Variants in CLCA2 observed in about 807,000 individuals in gnomAD.
CLCA2 encodes the protein calcium-activated chloride channel regulator 2.
Under a neutral mutation model 82.9 loss-of-function variants are expected in CLCA2, and 85 were observed. The observed-to-expected ratio is 1.03, with a 90% CI of 0.86 to 1.23. The LOEUF is 1.23. Among genes scored for constraint, CLCA2 ranks in the 50% most tolerant of loss-of-function variants. The pLI, the probability that CLCA2 is intolerant of heterozygous loss-of-function variation, is 0.00. For missense variants in CLCA2, 1,089 were observed against 1,124.8 expected (o/e 0.97, Z 0.45); for synonymous variants, 421 against 391.7 (o/e 1.07, Z -0.88).
chr1:86,448,021 G>C, intron 11 of CLCA2: 1 of 511,752 alleles, frequency 2.0e-6, no homozygotes, highest in Non-Finnish European at 3.5e-6. Context: ...GGAGGCAGCC[G>C]CTGGACACCT....
intron 11 of CLCA2, among the ~76,000 whole-genome samples, chr1:86,449,668 T>C (rs1363995872): frequency 6.6e-6 from 1 of 152,224 alleles, no homozygotes; most frequent in Non-Finnish European, 1.5e-5. Flanking sequence ...GGGGACACTT[T>C]AGCAATGATA....
rs181022316 is a variant in CLCA2 at position 86,450,926 on chromosome 1, C to A, written c.2155+193C>A. Among the ~76,000 whole-genome samples the A allele has an allele frequency of 7.9e-5, 12 of 152,258 alleles. No homozygotes were observed. In the East Asian group the frequency reaches 1.9e-3, roughly 24 times the overall value. On this transcript the variant is annotated intron_variant, in intron 12 of 13. Coordinates refer to ENST00000370565, the MANE Select transcript of CLCA2 (RefSeq NM_006536.7). ...TCATGGTAGGGGGGTAACAGGAAGG[C>A]GATAGGTAATGCCCACAGATTATAC...
chr1:86,450,301 T>C (rs1294311230), intron 11 of CLCA2, among the ~76,000 whole-genome samples: 1 of 152,204 alleles, frequency 6.6e-6, no homozygotes, highest in African/African-American at 2.4e-5. Context: ...TACAAGAATG[T>C]TAAAGGTGAT....
chr1:86,428,393 T>C (rs1662429456), intron 2 of CLCA2, 25 bp from the exon 3 acceptor site: 1 of 1,572,726 alleles, frequency 6.4e-7, no homozygotes, highest in African/African-American at 1.4e-5. Flanking sequence ...TGAGAAAGTA[T>C]TACAAGGCAT....
chr1:86,454,689 G>A (rs1663036618), intron 13 of CLCA2, among the ~76,000 whole-genome samples: 1 of 152,290 alleles, frequency 6.6e-6, no homozygotes, highest in African/African-American at 2.4e-5. Context: ...CTACTTGGGA[G>A]GCTGAGGTAG....
chr1:86,451,026 G>A (rs1051867725), intron 12 of CLCA2, among the ~76,000 whole-genome samples: 10 of 152,220 alleles, frequency 6.6e-5, no homozygotes, highest in African/African-American at 2.4e-4. Context: ...GAGATTTACT[G>A]GGTTTTCTCA....
rs748655156 is a variant in CLCA2 at position 86,438,873 on chromosome 1, TAGGCTGAC to T, written c.973_980del (p.Ala325ThrfsTer17). ...ATTTTCTTTTTTCCTTTTTGGGACA[TAGGCTGAC>T]AGACTCCTTCAACTACAACAAGCCG... is the stretch of plus-strand genomic sequence containing the variant. On this transcript the variant is annotated splice_acceptor_variant and coding_sequence_variant, in exon 7 of 14. Coordinates refer to ENST00000370565, the MANE Select transcript of CLCA2 (RefSeq NM_006536.7). LOFTEE classifies it high-confidence loss of function. The T allele has an allele frequency of 3.1e-6, 5 of 1,613,530 alleles. No individual in the cohort carries two copies. The highest frequency in any genetic ancestry group is 4.2e-6 in the Non-Finnish European group (5 of 1,179,524).
intron 8 of CLCA2, 151 bp from the exon 9 acceptor site, chr1:86,441,286 T>C: frequency 1.9e-6 from 1 of 533,566 alleles, no homozygotes; most frequent in Non-Finnish European, 3.4e-6. Flanking sequence ...TGTGGTTGTA[T>C]AGGATGTCAG....
intron 5 of CLCA2, 116 bp from the exon 6 acceptor site, chr1:86,434,394 GTACCACTT>G: frequency 1.4e-6 from 1 of 728,284 alleles, no homozygotes; most frequent in South Asian, 1.9e-5. Context: ...GTATATCACT[GTACCACTT>G]TTGATTTCTT....
intron 9 of CLCA2, among the ~76,000 whole-genome samples, chr1:86,442,180 G>C (rs1446735249): frequency 6.6e-6 from 1 of 152,154 alleles, no homozygotes; most frequent in Non-Finnish European, 1.5e-5. Context: ...TTAATGGCTT[G>C]ATGTGACCAA....
chr1:86,440,887 C>T (rs1044878267), intron 8 of CLCA2, among the ~76,000 whole-genome samples: 10 of 152,004 alleles, frequency 6.6e-5, no homozygotes, highest in Admixed American at 1.3e-4. Flanking sequence ...GGTGACAGAA[C>T]GAGACCCCAT....
At chr1:86,452,176 C>CTT (rs753484167) in intron 12 of CLCA2, among the ~76,000 whole-genome samples, 7,295 of 43,884 alleles carry the variant, frequency 0.17, 881 homozygotes, top group East Asian at 0.26. Context: ...AACCTGGAAG[C>CTT]TTTTTTTTTT....
At chr1:86,440,452 A>T in intron 8 of CLCA2, 127 bp downstream of exon 8, 2 of 873,084 alleles carry the variant, frequency 2.3e-6, no homozygotes, top group Non-Finnish European at 3.4e-6. Flanking sequence ...AAACGCACAC[A>T]CATATTGCTA....
chr1:86,426,215 G>C (rs1220151127), intron 2 of CLCA2, among the ~76,000 whole-genome samples: 3 of 152,132 alleles, frequency 2.0e-5, no homozygotes, highest in African/African-American at 4.8e-5. Flanking sequence ...GTCCATTGCA[G>C]CTACCAGAAG....
chr1:86,431,105 T>A (rs1662490461), intron 4 of CLCA2, 135 bp downstream of exon 4: 1 of 615,824 alleles, frequency 1.6e-6, no homozygotes, highest in African/African-American at 1.9e-5. Context: ...AAGAAAGAGA[T>A]CCTTTCACTT....
At chr1:86,428,304 C>T in intron 2 of CLCA2, 114 bp from the exon 3 acceptor site, 2 of 962,192 alleles carry the variant, frequency 2.1e-6, no homozygotes, top group Non-Finnish European at 1.4e-6. Flanking sequence ...TAATTACATA[C>T]AATAAAATGC....
Position 86,441,690 on chromosome 1 carries a change from G to C in CLCA2, c.1488+147G>C, listed in dbSNP as rs149530117. 2.7e-3 allele frequency: 1,493 copies of C among 544,776 alleles called. 14 individuals are homozygous for C. Among genetic ancestry groups the C allele is most frequent in the African/African-American group, 0.025 (1,299 of 52,890 alleles). 33.7% of individuals were successfully genotyped at this position (544,776 alleles called of 1,614,324 possible). A position where few individuals can be genotyped will look rare whatever the true frequency, so the allele number is the denominator to read the frequency against. On this transcript the variant is annotated intron_variant, in intron 9 of 13. Coordinates refer to ENST00000370565, the MANE Select transcript of CLCA2 (RefSeq NM_006536.7). ...ATGGAAGGCTTTTAAAAGGCTGCTTGGCATCACCAGAGCCAGGCTTTCAGC... is the reference window on the plus strand; with the variant it reads ...ATGGAAGGCTTTTAAAAGGCTGCTTCGCATCACCAGAGCCAGGCTTTCAGC...
At chr1:86,447,478 C>T (rs1558117031) in intron 10 of CLCA2, 30 bp from the exon 11 acceptor site, 1 of 1,573,910 alleles carries the variant, frequency 6.4e-7, no homozygotes, top group Admixed American at 1.9e-5. Context: ...TTTTTTCACA[C>T]TTTCCAAAAC....
Position 86,434,594 on chromosome 1 carries a change from G to T in CLCA2, c.821G>T (p.Ser274Ile). The change falls in exon 6 of 14, where the codon AGT (serine) becomes ATT (isoleucine). Residue 274 changes from serine (S) to isoleucine (I), a missense_variant. Transcript: ENST00000370565. Reference protein sequence around the residue: ...NLQNQMCSLRSAWDVITDSAD... With the variant: ...NLQNQMCSLRIAWDVITDSAD... ...CAGAACCAGATGTGCAGCCTCAGAA[G>T]TGCATGGGATGTAATCACAGACTCT... The T allele has an allele frequency of 6.2e-7, 1 of 1,614,074 alleles. No homozygotes were observed. Among genetic ancestry groups the T allele is most frequent in the Non-Finnish European group, 8.5e-7 (1 of 1,180,002 alleles).
Sources: gnomAD v4.1 joint callset for allele counts (sites outside exome capture counted in the v4.1 genomes callset) on GRCh38, gnomAD v4.1.1 for gene constraint, MANE v1.5 for transcripts, NCBI Gene and HGNC (gene_info 2026-07-23, HGNC 2026-07-21) for gene names.